The following FAM107B variants were observed in gnomAD, a reference collection of about 807,000 sequenced individuals.
The protein encoded by FAM107B is protein FAM107B.
FAM107B carries 21 observed loss-of-function variants against 31.5 expected under a neutral mutation model. The ratio of observed to expected loss-of-function variants is 0.67; its 90% CI spans 0.47 to 0.96. The LOEUF is 0.96. Among genes scored for constraint, FAM107B ranks in the 40% least tolerant of loss-of-function variants. The probability of loss-of-function intolerance (pLI) is 0.00; values close to 1 mark genes in which losing one functional copy is unlikely to be tolerated. For synonymous variants in FAM107B, 157 were observed against 141.5 expected (o/e 1.11, Z -0.78); for missense variants, 452 against 377.1 (o/e 1.20, Z -1.64).
chr10:14,529,381 C>A (rs1846685916), intron 3 of FAM107B: 1 of 152,136 alleles, frequency 6.6e-6, no homozygotes, highest in Non-Finnish European at 1.5e-5. Flanking sequence ...ACAAATAATT[C>A]CTGGGATAGA....
chr10:14,663,098 C>A (rs1854290167), intron 2 of FAM107B, among the ~76,000 whole-genome samples: 1 of 152,254 alleles, frequency 6.6e-6, no homozygotes, highest in South Asian at 2.1e-4. Flanking sequence ...AGCTTTTGGA[C>A]TCTTGGCCTT....
intron 2 of FAM107B, among the ~76,000 whole-genome samples, chr10:14,607,715 G>T (rs1446753659): frequency 6.6e-6 from 1 of 152,146 alleles, no homozygotes; most frequent in African/African-American, 2.4e-5. Context: ...TTTTGTTCTG[G>T]GGCTGACACA....
chr10:14,721,770 A>C (rs1331664580), intron 1 of FAM107B, among the ~76,000 whole-genome samples: 2 of 152,182 alleles, frequency 1.3e-5, no homozygotes, highest in African/African-American at 4.8e-5. Flanking sequence ...GGTAGATTGC[A>C]AAAATTTTCT....
intron 1 of FAM107B, among the ~76,000 whole-genome samples, chr10:14,746,418 G>A (rs1832727700): frequency 6.6e-6 from 1 of 152,170 alleles, no homozygotes; most frequent in Non-Finnish European, 1.5e-5. Context: ...GTGAGTTTTT[G>A]CAGTGGCTAG....
intron 2 of FAM107B, among the ~76,000 whole-genome samples, chr10:14,586,987 G>A (rs967650979): frequency 6.6e-6 from 1 of 152,162 alleles, no homozygotes; most frequent in Non-Finnish European, 1.5e-5. Context: ...TATGAGAATG[G>A]AATAGTCTCG....
chr10:14,603,620 G>A (rs1196917233), intron 2 of FAM107B, among the ~76,000 whole-genome samples: 1 of 152,230 alleles, frequency 6.6e-6, no homozygotes, highest in Admixed American at 6.5e-5. Context: ...ATGCCTGGGG[G>A]AAATTACGGA....
intron 2 of FAM107B, among the ~76,000 whole-genome samples, chr10:14,566,602 C>T (rs796709141): frequency 1.4e-4 from 21 of 152,238 alleles, no homozygotes; most frequent in African/African-American, 4.1e-4. Flanking sequence ...TCCTGAGCCA[C>T]GGAACTGGTG....
intron 2 of FAM107B, among the ~76,000 whole-genome samples, chr10:14,617,480 T>G (rs2131397920): frequency 6.6e-6 from 1 of 152,254 alleles, no homozygotes; most frequent in Non-Finnish European, 1.5e-5. Flanking sequence ...TGGTCTAAAC[T>G]GAATATGATT....
At chr10:14,629,770 C>T (rs1325606845) in intron 2 of FAM107B, among the ~76,000 whole-genome samples, 1 of 150,410 alleles carries the variant, frequency 6.6e-6, no homozygotes. Flanking sequence ...GCCTCGGCCT[C>T]CCAAAGTGCT....
intron 2 of FAM107B, among the ~76,000 whole-genome samples, chr10:14,643,092 T>G (rs1853668336): frequency 7.4e-6 from 1 of 134,340 alleles, no homozygotes; most frequent in Non-Finnish European, 1.6e-5. Flanking sequence ...AGAACAGAAC[T>G]GATTGGAGAT....
rs181179487 is a variant in FAM107B at position 14,665,407 on chromosome 10, C to A, written c.469+2227G>T. On this transcript the variant is annotated intron_variant, in intron 2 of 4. Transcript: ENST00000181796. The stretch of plus-strand genomic sequence containing the variant: ...ATAAAAGAACTCAGTAAAGTCATCT[C>A]ATTTCTTAGCAAGTCTTTAGTGAGT... Among the ~76,000 whole-genome samples the A allele has an allele frequency of 7.9e-5, 12 of 152,342 alleles. No homozygotes were observed. The East Asian group carries it at 2.1e-3, about 27-fold the overall frequency.
chr10:14,554,804 G>T (rs573070435), intron 2 of FAM107B, among the ~76,000 whole-genome samples: 1 of 152,252 alleles, frequency 6.6e-6, no homozygotes, highest in South Asian at 2.1e-4. Flanking sequence ...CAAAAAAGTG[G>T]GTGAGCAGAA....
chr10:14,751,021 A>G (rs12265273), intron 1 of FAM107B, among the ~76,000 whole-genome samples: 5,833 of 152,248 alleles, frequency 0.038, 380 homozygotes, highest in African/African-American at 0.13. Flanking sequence ...AGACCTGCCC[A>G]AGGCATGGTT....
Position 14,683,275 on chromosome 10 carries a change from G to A in FAM107B, c.412-15584C>T, listed in dbSNP as rs1854885375. On this transcript the variant is annotated intron_variant, in intron 1 of 4. Coordinates refer to ENST00000181796, the MANE Select transcript of FAM107B (RefSeq NM_031453.4). ...TATTGAATAGCTCTCCTTAGTGAAA[G>A]AACTCACTGAGGAGAATTTTGAGGT... Among the ~76,000 whole-genome samples the A allele has an allele frequency of 2.6e-5, 4 of 152,194 alleles. No homozygotes were observed. In the South Asian group the frequency reaches 8.3e-4, roughly 32 times the overall value.
chr10:14,654,356 T>C (rs1480979186), intron 2 of FAM107B, among the ~76,000 whole-genome samples: 1 of 152,208 alleles, frequency 6.6e-6, no homozygotes, highest in Non-Finnish European at 1.5e-5. Context: ...TTTCTGAATA[T>C]CTGTGTGGAA....
chr10:14,674,484 T>C (rs1854634175), intron 1 of FAM107B, among the ~76,000 whole-genome samples: 1 of 152,170 alleles, frequency 6.6e-6, no homozygotes, highest in South Asian at 2.1e-4. Context: ...TTTGTTTTTC[T>C]CTGCAGTCTA....
chr10:14,732,818 TTATAA>T (rs1856204484), intron 1 of FAM107B, among the ~76,000 whole-genome samples: 1 of 147,184 alleles, frequency 6.8e-6, no homozygotes, highest in Admixed American at 6.9e-5. Flanking sequence ...ATTATATGTA[TTATAA>T]TATTATAATT....
intron 2 of FAM107B, among the ~76,000 whole-genome samples, chr10:14,643,097 G>A (rs1325549421): frequency 6.6e-6 from 1 of 151,848 alleles, no homozygotes; most frequent in Non-Finnish European, 1.5e-5. Flanking sequence ...AGAACTGATT[G>A]GAGATAGGTA....
At chr10:14,710,961 A>C (rs1051948137) in intron 1 of FAM107B, among the ~76,000 whole-genome samples, 1 of 151,696 alleles carries the variant, frequency 6.6e-6, no homozygotes, top group Admixed American at 6.6e-5. Flanking sequence ...CACCCAGACT[A>C]GAGTGCAGTG....
Sources: allele counts gnomAD v4.1 joint callset (sites outside exome capture counted in the v4.1 genomes callset), GRCh38; gene constraint gnomAD v4.1.1; transcripts MANE v1.5; gene names NCBI Gene and HGNC (gene_info 2026-07-23, HGNC 2026-07-21).